CSPG4: variants seen among roughly 807,000 people sequenced by gnomAD.
The protein encoded by CSPG4 is chondroitin sulfate proteoglycan 4 (melanoma-associated).
CSPG4 carries 74 observed loss-of-function variants against 139.3 expected under a neutral mutation model. The observed-to-expected ratio is 0.53, with a 90% CI of 0.44 to 0.64. The LOEUF (loss-of-function observed/expected upper bound fraction) is 0.64, where lower values mean the gene tolerates loss of function less well. Among genes scored for constraint, CSPG4 ranks in the 30% least tolerant of loss-of-function variants. CSPG4 has a pLI of 0.00. For synonymous variants in CSPG4, 1,234 were observed against 1,394.2 expected, an observed-to-expected ratio of 0.89 and a Z score of 2.56; for missense variants, 2,565 against 3,148.3, an observed-to-expected ratio of 0.81 and a Z score of 4.43.
chr15:75,685,814 T>C, intron 3 of CSPG4, 113 bp from the exon 4 acceptor site: 10 of 1,137,632 alleles, frequency 8.8e-6, no homozygotes, highest in Non-Finnish European at 1.2e-5. Flanking sequence ...CTTATTCCTC[T>C]AGATACCACT....
At position 75,688,862 on chromosome 15, in the gene CSPG4, C is replaced by A. The variant is rs750228779; in HGVS notation, c.2203G>T (p.Asp735Tyr). 6.2e-7 allele frequency: 1 copy of A among 1,612,444 alleles called. No homozygotes were observed. Among genetic ancestry groups the A allele is most frequent in the Non-Finnish European group, 8.5e-7 (1 of 1,179,950 alleles). The change falls in exon 3 of 10, where the codon GAT becomes TAT. Residue 735 changes from aspartate (D) to tyrosine (Y), a missense_variant. Transcript: ENST00000308508. ...TACCTCACGCGGCCCTGCTCCACAT[C>A]CCGCTGGTGGAACGCCTGTGTGGCC... ...WWATQAFHQR[D>Y]VEQGRVRYLS...
At chr15:75,706,313 T>G (rs1331046875) in intron 1 of CSPG4, among the ~76,000 whole-genome samples, 1 of 152,110 alleles carries the variant, frequency 6.6e-6, no homozygotes, top group Non-Finnish European at 1.5e-5. Flanking sequence ...GTCCTGATTT[T>G]GGGGGTTTTC....
At chr15:75,712,867 C>G, upstream of CSPG4, 1 of 888,004 alleles carries the variant, frequency 1.1e-6, no homozygotes, top group South Asian at 1.9e-5. Context: ...TCCGGGTGTC[C>G]GCGCACTTAA....
At position 75,688,828 on chromosome 15, in the gene CSPG4, G is replaced by A. The variant is rs775054599; in HGVS notation, c.2237C>T (p.Thr746Ile). 6.8e-6 allele frequency: 11 copies of A among 1,612,710 alleles called. No homozygotes were observed. Among genetic ancestry groups the A allele is most frequent in the Non-Finnish European group, 9.3e-6 (11 of 1,180,010 alleles). Reference protein sequence around the residue: ...VEQGRVRYLSTDPQHHAYDTV... With the variant: ...VEQGRVRYLSIDPQHHAYDTV... ...GTCGTAAGCGTGGTGCTGTGGGTCA[G>A]TGCTCAGGTACCTCACGCGGCCCTG... Residue 746 changes from threonine (T) to isoleucine (I), a missense_variant, in exon 3 of 10, where the codon ACT (threonine) becomes ATT (isoleucine). Thr to Ile is a moderately conservative substitution (Grantham distance 89). Coordinates refer to ENST00000308508, the MANE Select transcript of CSPG4 (RefSeq NM_001897.5).
Position 75,685,173 on chromosome 15 carries a change from C to T in CSPG4, c.4272+46G>A, listed in dbSNP as rs560860503. ...AGTCCCCAGGGCTCCCTCCACTCTG[C>T]CCCCAGAGCTGGGCTGCAGCCCCTG... On this transcript the variant is annotated intron_variant, in intron 4 of 9. Transcript: ENST00000308508. 40 of 1,508,508 alleles carry T rather than the reference C, an allele frequency of 2.7e-5. No homozygotes were observed. In the East Asian group the frequency reaches 5.2e-4, roughly 20 times the overall value. The allele number at this position is 1,508,508 out of a possible 1,614,324, so 93.4% of individuals were successfully genotyped here. A position where few individuals can be genotyped will look rare whatever the true frequency, so the allele number is the denominator to read the frequency against.
rs2141444738 is a variant in CSPG4, at chr15:75,712,760, G to A, written c.-5C>T. 1.3e-6 allele frequency: 2 copies of A among 1,540,742 alleles called. No individual in the cohort carries two copies. The highest frequency in any genetic ancestry group is 8.8e-7 in the Non-Finnish European group (1 of 1,142,432). On this transcript the variant is annotated 5_prime_UTR_variant, in exon 1 of 10. Coordinates refer to ENST00000308508, the MANE Select transcript of CSPG4 (RefSeq NM_001897.5). ...GGGCCGCGGCCCGGACTGCATCCCG[G>A]CGGGCTGGGCGGCAGGACTTGCGAG...
In CSPG4 at chr15:75,676,745, G is replaced by C. The variant is rs773588443; in HGVS notation, c.5774C>G (p.Ala1925Gly). The C allele has an allele frequency of 1.3e-6, 2 of 1,570,168 alleles. No individual in the cohort carries two copies. Among genetic ancestry groups the C allele is most frequent in the East Asian group, 4.5e-5 (2 of 44,320 alleles). The change falls in exon 10 of 10, where the codon GCC (alanine) becomes GGC (glycine). Residue 1925 changes from alanine to glycine, a missense_variant. By Grantham distance (60) the Ala-to-Gly change is moderately conservative. Around this residue, in one of 5 missense-constraint regions of CSPG4, gnomAD observed 2,316 missense variants for 2,818.2 expected, o/e 0.82. Coordinates refer to ENST00000308508, the MANE Select transcript of CSPG4 (RefSeq NM_001897.5). Reference protein sequence around the residue: ...GIFQLSMSDGASPPLPMSLAV... With the variant: ...GIFQLSMSDGGSPPLPMSLAV... Reference sequence around the variant, plus strand: ...CAGGGACATGGGCAGGGGTGGGCTGGCCCCATCAGACATGCTCAGCTGGAA... The same window carrying C: ...CAGGGACATGGGCAGGGGTGGGCTGCCCCCATCAGACATGCTCAGCTGGAA...
intron 1 of CSPG4, among the ~76,000 whole-genome samples, chr15:75,703,519 G>C (rs1013015168): frequency 6.6e-6 from 1 of 152,072 alleles, no homozygotes; most frequent in African/African-American, 2.4e-5. Flanking sequence ...CTAGGGGCTG[G>C]AGACCCTCCG....
intron 5 of CSPG4, among the ~76,000 whole-genome samples, chr15:75,684,429 G>A (rs1324322107): frequency 6.6e-6 from 1 of 152,246 alleles, no homozygotes; most frequent in African/African-American, 2.4e-5. Context: ...TTAAGGGCTT[G>A]TAAGTGATTC....
At chr15:75,678,285 C>G (rs2141421758) in intron 8 of CSPG4, among the ~76,000 whole-genome samples, 1 of 152,300 alleles carries the variant, frequency 6.6e-6, no homozygotes, top group East Asian at 1.9e-4. Flanking sequence ...CCCCCAGATG[C>G]ATCATTCCCT....
chr15:75,683,219 C>T (rs1894004069), intron 5 of CSPG4, among the ~76,000 whole-genome samples, 178 bp from the exon 6 acceptor site: 1 of 152,172 alleles, frequency 6.6e-6, no homozygotes, highest in South Asian at 2.1e-4. Flanking sequence ...CCTTCCCTGT[C>T]ACCCCAGGGA....
In CSPG4 at chr15:75,682,320, C is replaced by T; in HGVS notation, c.4923G>A (p.Glu1641=). 1.3e-6 allele frequency: 2 copies of T among 1,596,718 alleles called. No homozygotes were observed. Among genetic ancestry groups the T allele is most frequent in the Middle Eastern group, 2.3e-4 (1 of 4,440 alleles). ...LFHAQQDSTG[E]ALVNFTQAEV... Reference sequence around the variant, plus strand: ...CTGCCTGAGTGAAGTTCACCAGGGCCTCCCCTGTGCTGTCCTGCTGGGCGT... The same window carrying T: ...CTGCCTGAGTGAAGTTCACCAGGGCTTCCCCTGTGCTGTCCTGCTGGGCGT... The change falls in exon 8 of 10, where the codon GAG becomes GAA. Residue 1641 remains glutamate (E), a synonymous_variant. Coordinates refer to ENST00000308508, the MANE Select transcript of CSPG4 (RefSeq NM_001897.5).
At position 75,674,726 on chromosome 15, in the gene CSPG4, C is replaced by T. The variant is rs1893864958; in HGVS notation, c.*824G>A. 2.5e-6 allele frequency: 1 copy of T among 398,802 alleles called. No individual in the cohort carries two copies. The highest frequency in any genetic ancestry group is 4.4e-6 in the Non-Finnish European group (1 of 226,082). The allele number at this position is 398,802 out of a possible 1,614,324, so 24.7% of individuals were successfully genotyped here. ...GGCACTGGCACCGCAGTGGCCTCGGCCTGAGACCCTCGATGAGCCCCAGCC... is the reference window on the plus strand; with the variant it reads ...GGCACTGGCACCGCAGTGGCCTCGGTCTGAGACCCTCGATGAGCCCCAGCC... On this transcript the variant is annotated 3_prime_UTR_variant, in exon 10 of 10. Coordinates refer to ENST00000308508, the MANE Select transcript of CSPG4 (RefSeq NM_001897.5).
chr15:75,689,022 G>T lies in CSPG4; in HGVS notation c.2043C>A (p.Ile681=). 1 of 1,612,082 alleles carries T rather than the reference G, an allele frequency of 6.2e-7. No homozygotes were observed. Residue 681 remains isoleucine, a synonymous_variant, in exon 3 of 10, where the codon ATC becomes ATA. Transcript: ENST00000308508. ...TCTCCACCGACAGGTTGGCGGGCAAGATGGGCATGGCAGAGCCTTGGGCCA... is the reference window on the plus strand; with the variant it reads ...TCTCCACCGACAGGTTGGCGGGCAATATGGGCATGGCAGAGCCTTGGGCCA... ...LRLAQGSAMP[I]LPANLSVETN...
In CSPG4 at chr15:75,689,689, A is replaced by G. The variant is rs1232768066; in HGVS notation, c.1376T>C (p.Met459Thr). The G allele has an allele frequency of 6.2e-7, 1 of 1,612,904 alleles. No individual in the cohort carries two copies. The highest frequency in any genetic ancestry group is 8.5e-7 in the Non-Finnish European group (1 of 1,179,850). Reference protein sequence around the residue: ...WRHVQPTLDLMEAELRKSQVL... With the variant: ...WRHVQPTLDLTEAELRKSQVL... ...CTGGGATTTGCGCAGCTCAGCCTCC[A>G]TCAGGTCCAGCGTGGGCTGCACATG... The change falls in exon 3 of 10, where the codon ATG becomes ACG. Residue 459 changes from methionine (M) to threonine (T), a missense_variant. Met to Thr is a moderately conservative substitution (Grantham distance 81). Transcript: ENST00000308508.
Position 75,675,140 on chromosome 15 carries a change from G to T in CSPG4, c.*410C>A. ...GGAAAAGCCAGGAATAGCTTCCTCT[G>T]TCCCTTCCCTCCCCAGGGTACTTCC... On this transcript the variant is annotated 3_prime_UTR_variant, in exon 10 of 10. Coordinates refer to ENST00000308508, the MANE Select transcript of CSPG4 (RefSeq NM_001897.5). The T allele has an allele frequency of 3.2e-6, 1 of 313,268 alleles. No individual in the cohort carries two copies. The highest frequency in any genetic ancestry group is 5.8e-6 in the Non-Finnish European group (1 of 172,204). 19.4% of individuals were successfully genotyped at this position (313,268 alleles called of 1,614,324 possible). A position where few individuals can be genotyped will look rare whatever the true frequency, so the allele number is the denominator to read the frequency against.
At chr15:75,682,803 G>A (rs1394392061) in intron 6 of CSPG4, 40 bp downstream of exon 6, 16 of 1,606,524 alleles carry the variant, frequency 1.0e-5, no homozygotes, top group South Asian at 6.6e-5. Context: ...GGGCACCCCC[G>A]TGGGCAGCAG....
chr15:75,693,312 G>C lies in CSPG4; in HGVS notation c.89-79C>G, dbSNP rs1894189538. 14 of 1,315,562 alleles carry C rather than the reference G, an allele frequency of 1.1e-5. No individual in the cohort carries two copies. In the South Asian group the frequency reaches 2.1e-4, roughly 20 times the overall value. 81.5% of individuals were successfully genotyped at this position (1,315,562 alleles called of 1,614,324 possible). On this transcript the variant is annotated intron_variant, in intron 1 of 9. Coordinates refer to ENST00000308508, the MANE Select transcript of CSPG4 (RefSeq NM_001897.5). ...GAGGTGCCGCAAAGAGGGACGGGTGGGTTGCAGAAAGGGGTCCGTGCTGGC... is the reference window on the plus strand; with the variant it reads ...GAGGTGCCGCAAAGAGGGACGGGTGCGTTGCAGAAAGGGGTCCGTGCTGGC...
At chr15:75,692,434 A>C (rs541511332) in intron 2 of CSPG4, among the ~76,000 whole-genome samples, 1 of 152,336 alleles carries the variant, frequency 6.6e-6, no homozygotes, top group South Asian at 2.1e-4. Context: ...ACAAATTCGG[A>C]ATAAGACCCT....
Sources: allele counts gnomAD v4.1 joint callset (sites outside exome capture counted in the v4.1 genomes callset), GRCh38; gene constraint gnomAD v4.1.1; regional missense constraint gnomAD v4.1.1; transcripts MANE v1.5; gene names NCBI Gene and HGNC (gene_info 2026-07-23, HGNC 2026-07-21).